TSPAN33: variants seen among roughly 807,000 people sequenced by gnomAD.
TSPAN33 encodes the protein tetraspanin-33.
Under a neutral mutation model 34.8 loss-of-function variants are expected in TSPAN33, and 27 were observed. The observed-to-expected ratio is 0.78, with a 90% CI of 0.57 to 1.07. The LOEUF (loss-of-function observed/expected upper bound fraction) is 1.07. Ranked by LOEUF, TSPAN33 falls within the 50% of genes least tolerant of loss-of-function variation. The pLI, the probability that TSPAN33 is intolerant of heterozygous loss-of-function variation, is 0.00. For synonymous variants in TSPAN33, 119 were observed against 124.2 expected (o/e 0.96, Z 0.28); for missense variants, 272 against 324.9 (o/e 0.84, Z 1.25).
At chr7:129,161,853 A>G in intron 2 of TSPAN33, 117 bp downstream of exon 2, 1 of 1,294,550 alleles carries the variant, frequency 7.7e-7, no homozygotes, top group Non-Finnish European at 1.1e-6. Flanking sequence ...GCCTCCCTGG[A>G]GCCAAATCTT....
intron 1 of TSPAN33, among the ~76,000 whole-genome samples, chr7:129,150,913 C>T (rs1441310397): frequency 4.0e-5 from 6 of 151,774 alleles, no homozygotes; most frequent in Non-Finnish European, 4.4e-5. Flanking sequence ...AAAGGAAAAC[C>T]AAAAACAAAG....
chr7:129,161,791 C>T, intron 2 of TSPAN33, 55 bp downstream of exon 2: 1 of 1,607,524 alleles, frequency 6.2e-7, no homozygotes, highest in Non-Finnish European at 8.5e-7. Flanking sequence ...CCTTTCCCCT[C>T]TGCCTCCTTC....
intron 2 of TSPAN33, 37 bp downstream of exon 2, chr7:129,161,773 G>A (rs1403873071): frequency 6.2e-7 from 1 of 1,613,390 alleles, no homozygotes; most frequent in South Asian, 1.1e-5. Context: ...CCCACCTTGT[G>A]CCATGCCCCT....
At chr7:129,161,578 C>G in intron 1 of TSPAN33, 101 bp from the exon 2 acceptor site, 1 of 1,149,818 alleles carries the variant, frequency 8.7e-7, no homozygotes, top group Non-Finnish European at 1.3e-6. Context: ...CTTTGGGTCC[C>G]AGGAAAGCAG....
At position 129,144,999 on chromosome 7, in the gene TSPAN33, G is replaced by T. The variant is rs376394892; in HGVS notation, c.19G>T (p.Ala7Ser). Residue 7 changes from alanine (A) to serine (S), a missense_variant, in exon 1 of 8, where the codon GCG becomes TCG. Coordinates refer to ENST00000486685, the MANE Select transcript of TSPAN33 (RefSeq NM_178562.5). MARRPR[A>S]PAASGEEFSF... Reference sequence around the variant, plus strand: ...CGGGGCCATGGCGCGGAGACCCCGGGCGCCGGCCGCCTCCGGGGAGGAGTT... The same window carrying T: ...CGGGGCCATGGCGCGGAGACCCCGGTCGCCGGCCGCCTCCGGGGAGGAGTT... 5 of 669,984 alleles carry T rather than the reference G, an allele frequency of 7.5e-6. No homozygotes were observed. In the African/African-American group the frequency reaches 7.5e-5, roughly 10 times the overall value. 41.5% of individuals were successfully genotyped at this position (669,984 alleles called of 1,614,324 possible). A position where few individuals can be genotyped will look rare whatever the true frequency, so the allele number is the denominator to read the frequency against.
At chr7:129,150,351 G>A (rs1810576236) in intron 1 of TSPAN33, among the ~76,000 whole-genome samples, 1 of 152,118 alleles carries the variant, frequency 6.6e-6, no homozygotes, top group Non-Finnish European at 1.5e-5. Flanking sequence ...TGTCCCCGCC[G>A]CCAGCTGCAA....
intron 5 of TSPAN33, 114 bp from the exon 6 acceptor site, chr7:129,166,664 A>G: frequency 5.1e-6 from 7 of 1,359,714 alleles, no homozygotes; most frequent in Non-Finnish European, 7.0e-6. Context: ...TTAAAACACA[A>G]CCTAAAGTTC....
intron 4 of TSPAN33, 125 bp downstream of exon 4, chr7:129,163,032 A>T (rs1450191844): frequency 1.1e-6 from 1 of 871,028 alleles, no homozygotes; most frequent in African/African-American, 1.7e-5. Flanking sequence ...GTCGTTGAAA[A>T]GTTCATTAGG....
chr7:129,155,126 T>G (rs75290077), intron 1 of TSPAN33, among the ~76,000 whole-genome samples: 2,542 of 152,158 alleles, frequency 0.017, 30 homozygotes, highest in East Asian at 0.058. Context: ...GAATTGGAGG[T>G]CATTATGTTA....
At position 129,167,881 on chromosome 7, in the gene TSPAN33, A is replaced by C; in HGVS notation, c.*7A>C. On this transcript the variant is annotated 3_prime_UTR_variant, in exon 8 of 8. Coordinates refer to ENST00000486685, the MANE Select transcript of TSPAN33 (RefSeq NM_178562.5). The surrounding 1 kb of genome is among the most constrained non-coding windows in gnomAD (Gnocchi z 4.6). ...GGCTGACCCATGGTACTGAGAATCC[A>C]TCCTGCACCTCCTCACCATGGAAAC... 3.7e-6 allele frequency: 6 copies of C among 1,613,652 alleles called. No homozygotes were observed. Among genetic ancestry groups the C allele is most frequent in the Non-Finnish European group, 5.1e-6 (6 of 1,179,856 alleles).
intron 1 of TSPAN33, among the ~76,000 whole-genome samples, chr7:129,152,504 T>C (rs1271436559): frequency 2.0e-5 from 3 of 152,152 alleles, no homozygotes; most frequent in African/African-American, 4.8e-5. Flanking sequence ...CCAGCCAACA[T>C]AGGGAAATCC....
chr7:129,151,666 A>C (rs1021052177), intron 1 of TSPAN33, among the ~76,000 whole-genome samples: 1 of 152,122 alleles, frequency 6.6e-6, no homozygotes, highest in Non-Finnish European at 1.5e-5. Flanking sequence ...AAAAAAAGTC[A>C]AGATAAGAAA....
At chr7:129,145,983 C>G (rs941170473) in intron 1 of TSPAN33, among the ~76,000 whole-genome samples, 2 of 151,972 alleles carry the variant, frequency 1.3e-5, no homozygotes, top group East Asian at 1.9e-4. Flanking sequence ...ACCCTGTTTC[C>G]TGGCTAGAGA....
chr7:129,153,578 G>A (rs2150622741), intron 1 of TSPAN33, among the ~76,000 whole-genome samples: 1 of 152,272 alleles, frequency 6.6e-6, no homozygotes, highest in Non-Finnish European at 1.5e-5. Flanking sequence ...AGGTTACAAA[G>A]GACATTTTGG....
chr7:129,166,963 T>C (rs1793151654), intron 6 of TSPAN33, 57 bp downstream of exon 6: 1 of 1,576,024 alleles, frequency 6.3e-7, no homozygotes, highest in South Asian at 1.2e-5. Context: ...CACTTTCTGA[T>C]GGGGGCAGCT....
chr7:129,161,844 C>A lies in TSPAN33; in HGVS notation c.160+108C>A. On this transcript the variant is annotated intron_variant, in intron 2 of 7. Coordinates refer to ENST00000486685, the MANE Select transcript of TSPAN33 (RefSeq NM_178562.5). ...TAAGCTATGGGGCTAAAGGAGGCAG[C>A]CTCCCTGGAGCCAAATCTTCATGGT... The A allele has an allele frequency of 2.8e-6, 4 of 1,413,416 alleles. No homozygotes were observed. The Admixed American group carries it at 7.3e-5, about 26-fold the overall frequency. The allele number at this position is 1,413,416 out of a possible 1,614,324, so 87.6% of individuals were successfully genotyped here.
In TSPAN33 at chr7:129,152,897, A is replaced by G. The variant is rs1195775254; in HGVS notation, c.102+7815A>G. ...AACATGGAGAAACCCCATCTCTACTAAAAATACAAAATTAGCCAGGTTTGG... is the reference window on the plus strand; with the variant it reads ...AACATGGAGAAACCCCATCTCTACTGAAAATACAAAATTAGCCAGGTTTGG... On this transcript the variant is annotated intron_variant, in intron 1 of 7. Coordinates refer to ENST00000486685, the MANE Select transcript of TSPAN33 (RefSeq NM_178562.5). Among the ~76,000 whole-genome samples the G allele has an allele frequency of 4.0e-5, 6 of 151,486 alleles. No homozygotes were observed. In the East Asian group the frequency reaches 1.2e-3, roughly 29 times the overall value.
chr7:129,164,574 G>A lies in TSPAN33; in HGVS notation c.459+5G>A. ...ATTGATTTTGGCCAGAAAAAGGTAT[G>A]GGTCAGCCAGTGGTCTGGGGGACTG... On this transcript the variant is annotated splice_donor_5th_base_variant and intron_variant, in intron 5 of 7. Coordinates refer to ENST00000486685, the MANE Select transcript of TSPAN33 (RefSeq NM_178562.5). 6.2e-7 allele frequency: 1 copy of A among 1,612,840 alleles called. No individual in the cohort carries two copies. Among genetic ancestry groups the A allele is most frequent in the South Asian group, 1.1e-5 (1 of 91,044 alleles).
intron 3 of TSPAN33, 110 bp downstream of exon 3, chr7:129,162,631 T>A: frequency 6.5e-7 from 1 of 1,540,666 alleles, no homozygotes; most frequent in Middle Eastern, 1.7e-4. Flanking sequence ...AAGCCTGTGC[T>A]GTCCACCCCT....
Sources: gnomAD v4.1 joint callset for allele counts (sites outside exome capture counted in the v4.1 genomes callset) on GRCh38, gnomAD v4.1.1 for gene constraint, Gnocchi (gnomAD v3.1) non-coding constraint, MANE v1.5 for transcripts, NCBI Gene and HGNC (gene_info 2026-07-23, HGNC 2026-07-21) for gene names.